The following SHOC1 variants were observed in gnomAD, a reference collection of about 807,000 sequenced individuals.
SHOC1 encodes the protein protein shortage in chiasmata 1 ortholog.
Under a neutral mutation model 179.2 loss-of-function variants are expected in SHOC1, and 136 were observed. The ratio of observed to expected loss-of-function variants is 0.76; its 90% CI spans 0.66 to 0.87. The LOEUF is 0.87. Ranked by LOEUF, SHOC1 falls within the 40% of genes least tolerant of loss-of-function variation. The pLI is 0.00. For synonymous variants in SHOC1, 489 were observed against 586.6 expected (o/e 0.83, Z 2.41); for missense variants, 1,538 against 1,700.8 (o/e 0.90, Z 1.68).
intron 16 of SHOC1, among the ~76,000 whole-genome samples, chr9:111,716,196 G>A (rs1198875924): frequency 6.6e-6 from 1 of 151,850 alleles, no homozygotes; most frequent in Non-Finnish European, 1.5e-5. Context: ...TATTCCTTAA[G>A]GTAGATAAAT....
At chr9:111,715,297 T>C (rs536472504) in intron 16 of SHOC1, among the ~76,000 whole-genome samples, 1 of 152,168 alleles carries the variant, frequency 6.6e-6, no homozygotes, top group Non-Finnish European at 1.5e-5. Flanking sequence ...AGGTGTTTAA[T>C]GAATATTTGG....
chr9:111,738,267 GT>G lies in SHOC1; in HGVS notation c.1417+12del. On this transcript the variant is annotated intron_variant, in intron 12 of 27. Coordinates refer to ENST00000682961, the MANE Select transcript of SHOC1 (RefSeq NM_001378211.1). ...AATGTTTACATAACTAATATTTACT[GT>G]GATGTACTTACATTCTAATTGAAGC... The G allele has an allele frequency of 6.3e-7, 1 of 1,596,152 alleles. No homozygotes were observed. The highest frequency in any genetic ancestry group is 8.6e-7 in the Non-Finnish European group (1 of 1,167,798).
chr9:111,713,728 A>C (rs1305988171), intron 17 of SHOC1, among the ~76,000 whole-genome samples: 2 of 152,214 alleles, frequency 1.3e-5, no homozygotes, highest in African/African-American at 4.8e-5. Context: ...AACTATTTGA[A>C]ATGCTTTTCT....
chr9:111,759,398 G>T (rs1451107527), intron 5 of SHOC1: 2 of 1,461,808 alleles, frequency 1.4e-6, no homozygotes, highest in Admixed American at 2.3e-5. Context: ...TTTAAGCAAA[G>T]AATCTACTTG....
In SHOC1 at chr9:111,722,497, A is replaced by T; in HGVS notation, c.2043T>A (p.Ala681=). 6.2e-7 allele frequency: 1 copy of T among 1,612,962 alleles called. No individual in the cohort carries two copies. The highest frequency in any genetic ancestry group is 8.5e-7 in the Non-Finnish European group (1 of 1,179,708). ...NLVSLCTLPT[A]NWKFATVIFD... is the part of the protein sequence containing the mutation. ...AAATAACAGTGGCAAATTTCCAATTAGCAGTAGGGAGGGTACACAAGGATA... is the reference window on the plus strand; with the variant it reads ...AAATAACAGTGGCAAATTTCCAATTTGCAGTAGGGAGGGTACACAAGGATA... Residue 681 remains alanine (A), a synonymous_variant, in exon 15 of 28, where the codon GCT becomes GCA. Coordinates refer to ENST00000682961, the MANE Select transcript of SHOC1 (RefSeq NM_001378211.1).
chr9:111,758,649 T>C, intron 6 of SHOC1, 46 bp downstream of exon 6: 1 of 1,499,138 alleles, frequency 6.7e-7, no homozygotes, highest in South Asian at 1.3e-5. Flanking sequence ...CTAAAACATT[T>C]TCACCTCTTA....
chr9:111,730,892 G>A (rs1441297105), intron 12 of SHOC1, among the ~76,000 whole-genome samples: 1 of 152,176 alleles, frequency 6.6e-6, no homozygotes, highest in African/African-American at 2.4e-5. Context: ...TTGAATATCT[G>A]TTGTTTAGTG....
chr9:111,792,994 T>A (rs1347896886), intron 1 of SHOC1, among the ~76,000 whole-genome samples: 1 of 152,136 alleles, frequency 6.6e-6, no homozygotes, highest in Non-Finnish European at 1.5e-5. Context: ...GCCATTCTCC[T>A]GCCTCAGCCT....
At chr9:111,714,653 C>CT in intron 16 of SHOC1, 30 bp from the exon 17 acceptor site, 2 of 1,572,836 alleles carry the variant, frequency 1.3e-6, no homozygotes, top group East Asian at 2.3e-5. Flanking sequence ...AAAAAATTGT[C>CT]TAAGTATTTG....
At chr9:111,761,633 G>A (rs1321161315) in intron 5 of SHOC1, among the ~76,000 whole-genome samples, 2 of 152,130 alleles carry the variant, frequency 1.3e-5, no homozygotes, top group South Asian at 2.1e-4. Flanking sequence ...ACAATTGGCA[G>A]AATTGGTTAG....
chr9:111,750,353 C>T (rs1434549142), intron 8 of SHOC1, among the ~76,000 whole-genome samples: 1 of 151,802 alleles, frequency 6.6e-6, no homozygotes, highest in Non-Finnish European at 1.5e-5. Context: ...CTTTTTGAGA[C>T]AGAGTCTTGC....
In SHOC1 at chr9:111,758,705, T is replaced by G; in HGVS notation, c.586A>C (p.Asn196His). 1 of 1,575,496 alleles carries G rather than the reference T, an allele frequency of 6.3e-7. No homozygotes were observed. Among genetic ancestry groups the G allele is most frequent in the Non-Finnish European group, 8.6e-7 (1 of 1,168,984 alleles). ...CAATTAAGTAAGTACCTGGAAAAATTAGCTTCTGTGAAGATCTGTCCTTTG... is the reference window on the plus strand; with the variant it reads ...CAATTAAGTAAGTACCTGGAAAAATGAGCTTCTGTGAAGATCTGTCCTTTG... ...DFKGQIFTEANFSRECFSLQE... is the reference protein window; with the variant it reads ...DFKGQIFTEAHFSRECFSLQE... Residue 196 changes from asparagine (N) to histidine (H), a missense_variant, in exon 6 of 28, where the codon AAT (asparagine) becomes CAT (histidine). Transcript: ENST00000682961.
chr9:111,742,255 A>G (rs1429401041), intron 10 of SHOC1, among the ~76,000 whole-genome samples: 1 of 152,222 alleles, frequency 6.6e-6, no homozygotes, highest in Non-Finnish European at 1.5e-5. Flanking sequence ...CAATCTAAGT[A>G]AAATTACCAT....
intron 24 of SHOC1, among the ~76,000 whole-genome samples, chr9:111,699,117 A>G (rs964896156): frequency 6.6e-6 from 1 of 152,188 alleles, no homozygotes; most frequent in Non-Finnish European, 1.5e-5. Context: ...AAGTGGGGAA[A>G]GAGTAGAAAA....
intron 27 of SHOC1, among the ~76,000 whole-genome samples, chr9:111,688,700 A>G (rs773256429): frequency 2.0e-5 from 3 of 152,134 alleles, no homozygotes; most frequent in Admixed American, 6.5e-5. Context: ...TTTATAATAG[A>G]TCAATTAAGA....
chr9:111,757,217 C>T (rs1365796898), intron 7 of SHOC1, among the ~76,000 whole-genome samples: 2 of 152,144 alleles, frequency 1.3e-5, no homozygotes, highest in Middle Eastern at 3.2e-3. Flanking sequence ...ATTCTCCTGC[C>T]TCAGCCTCCC....
rs376244567 is a variant in SHOC1, at chr9:111,693,811, T to C, written c.3453A>G (p.Glu1151=). The C allele has an allele frequency of 2.5e-6, 4 of 1,607,508 alleles. No homozygotes were observed. The highest frequency in any genetic ancestry group is 2.7e-5 in the African/African-American group (2 of 74,694). The stretch of plus-strand genomic sequence containing the variant: ...TCAAATAACTAACCTTTAACACTTT[T>C]TCTGGGACTTCAGGTAGGAGTTCCT... ...QLQELLPEVP[E]KVLKHFCSIT... is the part of the protein sequence containing the mutation. Residue 1151 remains glutamate, a synonymous_variant, in exon 26 of 28, where the codon GAA becomes GAG. Coordinates refer to ENST00000682961, the MANE Select transcript of SHOC1 (RefSeq NM_001378211.1).
chr9:111,716,634 G>T (rs927525454), intron 16 of SHOC1, among the ~76,000 whole-genome samples: 6 of 151,878 alleles, frequency 4.0e-5, no homozygotes, highest in Admixed American at 3.9e-4. Context: ...CAGGTGATCC[G>T]CCCACCTCAG....
intron 9 of SHOC1, among the ~76,000 whole-genome samples, chr9:111,746,852 A>G (rs1006075002): frequency 6.6e-6 from 1 of 152,126 alleles, no homozygotes; most frequent in Admixed American, 6.5e-5. Context: ...CTCAATTACA[A>G]CCGTGGTGAT....
Sources: allele counts gnomAD v4.1 joint callset (sites outside exome capture counted in the v4.1 genomes callset), GRCh38; gene constraint gnomAD v4.1.1; transcripts MANE v1.5; gene names NCBI Gene and HGNC (gene_info 2026-07-23, HGNC 2026-07-21).